TNRC6B: variants seen among roughly 807,000 people sequenced by gnomAD.
TNRC6B encodes the protein trinucleotide repeat containing adaptor 6B.
TNRC6B carries 52 observed loss-of-function variants against 203.6 expected under a neutral mutation model. The observed-to-expected ratio is 0.26, with a 90% CI of 0.20 to 0.32. TNRC6B has a LOEUF of 0.32. TNRC6B is among the 10% of genes least tolerant of loss of function. The pLI is 1.00. For missense variants in TNRC6B, 1,923 were observed against 2,286.2 expected, an observed-to-expected ratio of 0.84 and a Z score of 3.24; for synonymous variants, 838 against 845.7, an observed-to-expected ratio of 0.99 and a Z score of 0.16.
At chr22:40,070,987 A>G (rs1280621305) in intron 1 of TNRC6B, among the ~76,000 whole-genome samples, 1 of 152,226 alleles carries the variant, frequency 6.6e-6, no homozygotes, top group Non-Finnish European at 1.5e-5. Context: ...TTTCACCACC[A>G]ATGAATTCCA....
chr22:40,116,705 G>A (rs534042613), intron 1 of TNRC6B, among the ~76,000 whole-genome samples: 31 of 152,254 alleles, frequency 2.0e-4, no homozygotes, highest in South Asian at 1.5e-3. Flanking sequence ...AATTCATGAC[G>A]GATGTCAGGG....
chr22:40,156,237 G>C (rs1601847378), intron 4 of TNRC6B: 19 of 1,505,246 alleles, frequency 1.3e-5, no homozygotes, highest in Non-Finnish European at 1.6e-5. Flanking sequence ...GAAACACTTT[G>C]GTTCAACATG....
At chr22:40,290,546 C>G (rs754918064) in intron 12 of TNRC6B, among the ~76,000 whole-genome samples, 12 of 152,224 alleles carry the variant, frequency 7.9e-5, no homozygotes, top group Non-Finnish European at 1.8e-4. Flanking sequence ...CTTAGAACAT[C>G]CTTCCCAGAT....
chr22:40,138,705 A>G (rs575910406), intron 3 of TNRC6B, among the ~76,000 whole-genome samples: 1 of 152,312 alleles, frequency 6.6e-6, no homozygotes, highest in East Asian at 1.9e-4. Flanking sequence ...AGTTCTCAGC[A>G]TATAGGAATA....
At chr22:40,070,056 C>T (rs916270339) in intron 1 of TNRC6B, among the ~76,000 whole-genome samples, 1 of 152,092 alleles carries the variant, frequency 6.6e-6, no homozygotes, top group Non-Finnish European at 1.5e-5. Context: ...TTCGTATCTT[C>T]TAAAATACCC....
At chr22:40,254,538 G>A (rs1193137224) in intron 3 of TNRC6B, among the ~76,000 whole-genome samples, 1 of 152,140 alleles carries the variant, frequency 6.6e-6, no homozygotes, top group Non-Finnish European at 1.5e-5. Flanking sequence ...AACAAAAAAA[G>A]ATGTTAGAGT....
At position 40,266,980 on chromosome 22, in the gene TNRC6B, G is replaced by A. The variant is rs143708410; in HGVS notation, c.2750G>A (p.Gly917Asp). 2 of 1,612,424 alleles carry A rather than the reference G, an allele frequency of 1.2e-6. No homozygotes were observed. Among genetic ancestry groups the A allele is most frequent in the Non-Finnish European group, 1.7e-6 (2 of 1,179,218 alleles). ...VNLWDKNSQG[G>D]PAPREPNLPT... ...CTGTGGGATAAGAATTCCCAAGGGG[G>A]CCCAGCACCTCGAGAACCAAACCTG... The change falls in exon 5 of 23, where the codon GGC (glycine) becomes GAC (aspartate). Residue 917 changes from glycine (G) to aspartate (D), a missense_variant. Physicochemically the swap from Gly to Asp is moderately conservative, Grantham distance 94 (BLOSUM62 -1). This residue lies in a region of TNRC6B where 599 missense variants were observed against 656.5 expected (regional missense o/e 0.91). Transcript: ENST00000454349.
chr22:40,246,918 C>A (rs1321517996), intron 2 of TNRC6B, among the ~76,000 whole-genome samples: 1 of 151,980 alleles, frequency 6.6e-6, no homozygotes, highest in East Asian at 1.9e-4. Flanking sequence ...TGAGGAATTG[C>A]TTAGAGAAAA....
At chr22:40,144,469 A>G (rs1024299312) in intron 3 of TNRC6B, among the ~76,000 whole-genome samples, 20 of 152,158 alleles carry the variant, frequency 1.3e-4, no homozygotes, top group Admixed American at 1.3e-3. Context: ...AGGTCAGGAG[A>G]TCGAGACCAT....
chr22:40,237,778 C>T (rs1056600404), intron 1 of TNRC6B, among the ~76,000 whole-genome samples: 3 of 152,024 alleles, frequency 2.0e-5, no homozygotes, highest in African/African-American at 7.3e-5. Context: ...CCGCTACGGA[C>T]GCCTCATGGA....
upstream of TNRC6B, among the ~76,000 whole-genome samples, chr22:40,173,550 C>T (rs1243220327): frequency 6.7e-6 from 1 of 149,988 alleles, no homozygotes; most frequent in Non-Finnish European, 1.5e-5. Flanking sequence ...GTAGCTAGGA[C>T]CACAGGCATA....
At chr22:40,228,932 AG>A (rs2069829733) in intron 1 of TNRC6B, among the ~76,000 whole-genome samples, 1 of 152,168 alleles carries the variant, frequency 6.6e-6, no homozygotes, top group African/African-American at 2.4e-5. Flanking sequence ...AAGTACTTTC[AG>A]GAGTAAAATG....
intron 9 of TNRC6B, among the ~76,000 whole-genome samples, chr22:40,278,925 G>A (rs1157937701): frequency 1.3e-5 from 2 of 152,194 alleles, no homozygotes; most frequent in African/African-American, 4.8e-5. Context: ...ATTTTTAGTA[G>A]GGACGGGATT....
chr22:40,125,341 C>T (rs1458335948), intron 2 of TNRC6B, among the ~76,000 whole-genome samples: 2 of 152,064 alleles, frequency 1.3e-5, no homozygotes, highest in Non-Finnish European at 2.9e-5. Context: ...CCCGGGAAAC[C>T]CTGCCAATTC....
intron 2 of TNRC6B, among the ~76,000 whole-genome samples, chr22:40,121,709 C>T (rs920531162): frequency 6.6e-6 from 1 of 152,258 alleles, no homozygotes; most frequent in African/African-American, 2.4e-5. Context: ...ACCGCCACAA[C>T]CGTCTGTGGC....
chr22:40,099,349 T>C (rs1248916105), intron 1 of TNRC6B, among the ~76,000 whole-genome samples: 1 of 152,224 alleles, frequency 6.6e-6, no homozygotes, highest in Non-Finnish European at 1.5e-5. Context: ...AAAAAATCAT[T>C]TGCTGAAATA....
At chr22:40,193,050 GGC>G (rs1279768828) in intron 1 of TNRC6B, among the ~76,000 whole-genome samples, 1 of 152,152 alleles carries the variant, frequency 6.6e-6, no homozygotes, top group Admixed American at 6.5e-5. Context: ...TTTTAGGGCC[GGC>G]GCCCCAGCGG....
intron 1 of TNRC6B, among the ~76,000 whole-genome samples, chr22:40,184,692 G>A (rs2069177920): frequency 6.6e-6 from 1 of 152,174 alleles, no homozygotes; most frequent in Admixed American, 6.5e-5. Context: ...CAGAGTTGGG[G>A]ACAAATGAAT....
chr22:40,141,211 T>TC (rs1235938932), intron 3 of TNRC6B, among the ~76,000 whole-genome samples: 8 of 142,516 alleles, frequency 5.6e-5, no homozygotes, highest in African/African-American at 2.1e-4. Flanking sequence ...GTCCTTTTTT[T>TC]TTTTTTTTTT....
Sources: allele counts gnomAD v4.1 joint callset (sites outside exome capture counted in the v4.1 genomes callset), GRCh38; gene constraint gnomAD v4.1.1; regional missense constraint gnomAD v4.1.1; transcripts MANE v1.5; gene names NCBI Gene and HGNC (gene_info 2026-07-23, HGNC 2026-07-21).